The following CPSF6 variants were observed in gnomAD, a reference collection of about 807,000 sequenced individuals.
CPSF6 encodes cleavage and polyadenylation specific factor 6.
A neutral mutation model predicts 56.7 loss-of-function variants in CPSF6; 10 were observed. That is an observed-to-expected ratio of 0.18 (90% CI 0.11 to 0.30). CPSF6 has a LOEUF of 0.30. Among genes scored for constraint, CPSF6 ranks in the 10% least tolerant of loss-of-function variants. The probability of loss-of-function intolerance (pLI) is 1.00; values close to 1 mark genes in which losing one functional copy is unlikely to be tolerated. For synonymous variants in CPSF6, 248 were observed against 244.8 expected (o/e 1.01, Z -0.12); for missense variants, 419 against 722.9 (o/e 0.58, Z 4.82).
intron 2 of CPSF6, chr12:69,252,124 G>T (rs1592799204): frequency 8.8e-6 from 4 of 454,266 alleles, no homozygotes; most frequent in East Asian, 1.4e-4. Context: ...ACCCAGGCTG[G>T]AGTGCAGTGG....
chr12:69,241,196 T>A (rs574894493), intron 1 of CPSF6, among the ~76,000 whole-genome samples: 1 of 152,266 alleles, frequency 6.6e-6, no homozygotes, highest in Non-Finnish European at 1.5e-5. Flanking sequence ...TTTGTTTAAA[T>A]GTAATACATT....
chr12:69,259,212 T>C, intron 6 of CPSF6, 118 bp downstream of exon 6: 1 of 1,292,576 alleles, frequency 7.7e-7, no homozygotes, highest in Non-Finnish European at 1.0e-6. Flanking sequence ...GATGAGGTGT[T>C]TAAGCTGCTA....
intron 2 of CPSF6, among the ~76,000 whole-genome samples, 193 bp from the exon 3 acceptor site, chr12:69,252,858 G>A (rs1872317320): frequency 6.6e-6 from 1 of 152,132 alleles, no homozygotes; most frequent in Admixed American, 6.5e-5. Flanking sequence ...ACTTATCAGG[G>A]AATGAAGTTA....
intron 1 of CPSF6, 142 bp downstream of exon 1, chr12:69,239,848 G>T: frequency 1.5e-6 from 1 of 673,952 alleles, no homozygotes; most frequent in Non-Finnish European, 2.1e-6. Flanking sequence ...CCGACCCCTG[G>T]CGTGGCGCCC....
chr12:69,246,572 C>G (rs1416474107), intron 1 of CPSF6, among the ~76,000 whole-genome samples: 1 of 152,126 alleles, frequency 6.6e-6, no homozygotes, highest in African/African-American at 2.4e-5. Context: ...GTTTTAATAA[C>G]TACTGAGAAC....
intron 1 of CPSF6, among the ~76,000 whole-genome samples, chr12:69,245,876 A>G (rs1181835970): frequency 6.6e-6 from 1 of 152,192 alleles, no homozygotes; most frequent in Non-Finnish European, 1.5e-5. Flanking sequence ...ACTTGAGGTC[A>G]GGAGTTTGAG....
Position 69,263,492 on chromosome 12 carries a change from A to G in CPSF6, c.*3+930A>G, listed in dbSNP as rs574311846. 5.3e-5 allele frequency among the ~76,000 whole-genome samples: 8 copies of G among 152,188 alleles called. No homozygotes were observed. The South Asian group carries it at 1.7e-3, about 32-fold the overall frequency. On this transcript the variant is annotated intron_variant, in intron 9 of 9. Transcript: ENST00000435070. Reference sequence around the variant, plus strand: ...TATAAGGCTTATGCATGTGACACAAAGGTTATTCTGTAAATTAAAATATTT... The same window carrying G: ...TATAAGGCTTATGCATGTGACACAAGGGTTATTCTGTAAATTAAAATATTT...
chr12:69,240,369 CAACAAGTCCTTTGA>C (rs1871549780), intron 1 of CPSF6, among the ~76,000 whole-genome samples: 2 of 152,192 alleles, frequency 1.3e-5, no homozygotes, highest in South Asian at 4.1e-4. Context: ...GGCTCATTTG[CAACAAGTCCTTTGA>C]CTTTTGGAGC....
Position 69,240,458 on chromosome 12 carries a change from C to G in CPSF6, c.60+752C>G, listed in dbSNP as rs928599470. 6.6e-5 allele frequency among the ~76,000 whole-genome samples: 10 copies of G among 152,250 alleles called. No homozygotes were observed. In the East Asian group the frequency reaches 1.9e-3, roughly 29 times the overall value. On this transcript the variant is annotated intron_variant, in intron 1 of 9. Transcript: ENST00000435070. ...CCAGGGCTTGCAGTGCTTTGAAGCC[C>G]AGTCGTTGTTGGCCTTTGTGATGAA...
intron 1 of CPSF6, among the ~76,000 whole-genome samples, chr12:69,249,168 G>C (rs192097716): frequency 0.33 from 11,155 of 33,510 alleles, 4,033 homozygotes; most frequent in Non-Finnish European, 0.49. Context: ...GGGGGGGGGG[G>C]GCTGAGGCAG....
chr12:69,266,876 G>A (rs1196085572), intron 9 of CPSF6, among the ~76,000 whole-genome samples: 2 of 152,086 alleles, frequency 1.3e-5, no homozygotes, highest in Non-Finnish European at 2.9e-5. Context: ...TAAGTACTAT[G>A]TACAGAGGTA....
chr12:69,268,363 T>C (rs1873091716), intron 9 of CPSF6, among the ~76,000 whole-genome samples: 1 of 151,816 alleles, frequency 6.6e-6, no homozygotes. Context: ...TTTGCAGTTT[T>C]AAAATTTTAA....
intron 1 of CPSF6, among the ~76,000 whole-genome samples, chr12:69,248,292 T>A (rs1289432286): frequency 6.6e-6 from 1 of 151,862 alleles, no homozygotes; most frequent in Non-Finnish European, 1.5e-5. Context: ...AAAAATACAT[T>A]TAGTCCTGCT....
chr12:69,254,422 CTT>C (rs1872407524), intron 3 of CPSF6, among the ~76,000 whole-genome samples: 2 of 152,202 alleles, frequency 1.3e-5, no homozygotes, highest in African/African-American at 4.8e-5. Flanking sequence ...ATGGCTTACT[CTT>C]TGACTTCATT....
At chr12:69,239,832 G>A in intron 1 of CPSF6, 126 bp downstream of exon 1, 3 of 802,792 alleles carry the variant, frequency 3.7e-6, no homozygotes, top group Non-Finnish European at 5.0e-6. Context: ...CCTCTGGGCC[G>A]CGCCGCCGAC....
intron 1 of CPSF6, 117 bp downstream of exon 1, chr12:69,239,823 C>T: frequency 4.5e-6 from 4 of 889,710 alleles, no homozygotes; most frequent in South Asian, 5.4e-5. Context: ...CCCTTGCCGC[C>T]TCTGGGCCGC....
intron 1 of CPSF6, among the ~76,000 whole-genome samples, chr12:69,241,971 GCTTAT>G (rs1871646552): frequency 6.6e-6 from 1 of 150,792 alleles, no homozygotes; most frequent in Non-Finnish European, 1.5e-5. Context: ...TATTTTCAGA[GCTTAT>G]CTTGTTTTTA....
intron 1 of CPSF6, among the ~76,000 whole-genome samples, chr12:69,242,798 A>T (rs554189430): frequency 6.6e-6 from 1 of 152,282 alleles, no homozygotes; most frequent in Non-Finnish European, 1.5e-5. Context: ...TCTGGCCAAA[A>T]CTAAATAATT....
chr12:69,252,011 A>G (rs1299247977), intron 2 of CPSF6: 7 of 455,862 alleles, frequency 1.5e-5, no homozygotes, highest in African/African-American at 2.0e-5. Context: ...GCAAAAATCA[A>G]TAAAACTTGG....
Sources: allele counts gnomAD v4.1 joint callset (sites outside exome capture counted in the v4.1 genomes callset), GRCh38; gene constraint gnomAD v4.1.1; transcripts MANE v1.5; gene names NCBI Gene and HGNC (gene_info 2026-07-23, HGNC 2026-07-21).